The following CNST variants were observed in gnomAD, a reference collection of about 807,000 sequenced individuals.
CNST encodes the protein consortin.
In CNST, 39 loss-of-function variants were observed where a neutral mutation model predicts 72.4. The ratio of observed to expected loss-of-function variants is 0.54; its 90% CI spans 0.42 to 0.70. The LOEUF (loss-of-function observed/expected upper bound fraction) is 0.70. Ranked by LOEUF, CNST falls within the 30% of genes least tolerant of loss-of-function variation. CNST has a pLI of 0.00. For synonymous variants in CNST, 332 were observed against 320.1 expected, an observed-to-expected ratio of 1.04 and a Z score of -0.40; for missense variants, 871 against 868.5, an observed-to-expected ratio of 1.00 and a Z score of -0.04.
At chr1:246,586,652 C>T (rs972986010) in intron 1 of CNST, among the ~76,000 whole-genome samples, 2 of 151,930 alleles carry the variant, frequency 1.3e-5, no homozygotes, top group African/African-American at 2.4e-5. Flanking sequence ...AGAGATCTTA[C>T]GATAATTTCT....
chr1:246,613,262 G>A (rs1196076982), intron 2 of CNST, among the ~76,000 whole-genome samples: 10 of 152,142 alleles, frequency 6.6e-5, no homozygotes, highest in Admixed American at 6.5e-4. Context: ...TTAAAAGTGT[G>A]CTTAAAGCAA....
intron 3 of CNST, among the ~76,000 whole-genome samples, chr1:246,629,684 CTG>C (rs1436244790): frequency 2.6e-5 from 4 of 152,202 alleles, no homozygotes; most frequent in African/African-American, 7.2e-5. Flanking sequence ...AGAAAGGAAA[CTG>C]TGCAATACCA....
Position 246,634,584 on chromosome 1 carries a change from A to G in CNST, c.815A>G (p.Gln272Arg). The G allele has an allele frequency of 6.5e-7, 1 of 1,540,808 alleles. No individual in the cohort carries two copies. Among genetic ancestry groups the G allele is most frequent in the South Asian group, 1.2e-5 (1 of 85,452 alleles). Residue 272 changes from glutamine to arginine, a missense_variant, in exon 6 of 11, where the codon CAA (glutamine) becomes CGA (arginine). By Grantham distance (43) the Gln-to-Arg change is conservative (BLOSUM62 1). Transcript: ENST00000366513. ...CTTACGAAAATTTGTGCAACACATCAAGAGTAAGTATATCAGAATTTCGTT... is the reference window on the plus strand; with the variant it reads ...CTTACGAAAATTTGTGCAACACATCGAGAGTAAGTATATCAGAATTTCGTT... ...ERLTKICATHQDPLLSKHKIA... is the reference protein window; with the variant it reads ...ERLTKICATHRDPLLSKHKIA...
intron 1 of CNST, among the ~76,000 whole-genome samples, chr1:246,572,783 G>A (rs1172472211): frequency 6.6e-6 from 1 of 152,150 alleles, no homozygotes; most frequent in Non-Finnish European, 1.5e-5. Context: ...GGGTGGTCTT[G>A]AACTCCTGAG....
intron 2 of CNST, among the ~76,000 whole-genome samples, chr1:246,614,135 G>C (rs769913025): frequency 6.6e-6 from 1 of 151,452 alleles, no homozygotes; most frequent in East Asian, 1.9e-4. Flanking sequence ...GTTTTTTTTT[G>C]ATTATGGAAT....
intron 9 of CNST, among the ~76,000 whole-genome samples, chr1:246,657,669 G>A (rs1666843865): frequency 6.6e-6 from 1 of 152,146 alleles, no homozygotes; most frequent in African/African-American, 2.4e-5. Context: ...GTATCCCTTA[G>A]TGTTGACTTC....
At chr1:246,642,924 C>T (rs373915791) in intron 8 of CNST, among the ~76,000 whole-genome samples, 68 of 139,622 alleles carry the variant, frequency 4.9e-4, no homozygotes, top group African/African-American at 1.4e-3. Context: ...CAGGGTCTCA[C>T]GCTGTTGCCC....
intron 8 of CNST, among the ~76,000 whole-genome samples, chr1:246,645,451 GGA>G (rs1275567725): frequency 9.3e-6 from 1 of 107,522 alleles, no homozygotes; most frequent in Non-Finnish European, 1.7e-5. Context: ...TTTTTGAGAT[GGA>G]GTCTCGCTCT....
chr1:246,612,791 G>A (rs1663417629), intron 2 of CNST, among the ~76,000 whole-genome samples: 1 of 152,006 alleles, frequency 6.6e-6, no homozygotes, highest in Admixed American at 6.6e-5. Flanking sequence ...AGGCTGCAGT[G>A]GGAGGATCAC....
chr1:246,638,836 G>A (rs1326520140), intron 6 of CNST, among the ~76,000 whole-genome samples: 1 of 152,190 alleles, frequency 6.6e-6, no homozygotes, highest in Non-Finnish European at 1.5e-5. Flanking sequence ...TTGGGAGGTA[G>A]TGGCTTCAGG....
chr1:246,639,122 A>G (rs1262234721), intron 6 of CNST, among the ~76,000 whole-genome samples: 1 of 151,972 alleles, frequency 6.6e-6, no homozygotes, highest in African/African-American at 2.4e-5. Flanking sequence ...TTAGAGAGGT[A>G]GGCAACAATC....
chr1:246,663,376 A>G (rs539802105), intron 10 of CNST, among the ~76,000 whole-genome samples: 7 of 152,204 alleles, frequency 4.6e-5, no homozygotes, highest in Admixed American at 3.9e-4. Flanking sequence ...GAACTGTCCA[A>G]AAAAATACAG....
intron 1 of CNST, among the ~76,000 whole-genome samples, chr1:246,585,685 AC>A (rs1430556717): frequency 7.1e-6 from 1 of 140,590 alleles, no homozygotes; most frequent in African/African-American, 2.7e-5. Flanking sequence ...ACACACACAC[AC>A]ACACACACAC....
At chr1:246,570,629 G>C (rs910677542) in intron 1 of CNST, among the ~76,000 whole-genome samples, 1 of 152,114 alleles carries the variant, frequency 6.6e-6, no homozygotes, top group African/African-American at 2.4e-5. Flanking sequence ...TTGGGGAAGG[G>C]GTATAGTTAC....
intron 10 of CNST, among the ~76,000 whole-genome samples, chr1:246,662,317 C>G (rs1221691996): frequency 6.6e-6 from 1 of 152,160 alleles, no homozygotes; most frequent in Non-Finnish European, 1.5e-5. Flanking sequence ...ATGTGAGGCA[C>G]ATGTATGATT....
chr1:246,664,353 A>G (rs761055833), intron 10 of CNST, among the ~76,000 whole-genome samples: 2 of 152,038 alleles, frequency 1.3e-5, no homozygotes, highest in South Asian at 4.2e-4. Flanking sequence ...TTGAAACTAT[A>G]TGTCCCAGGT....
intron 8 of CNST, among the ~76,000 whole-genome samples, chr1:246,643,075 G>C (rs1408113383): frequency 6.6e-6 from 1 of 150,992 alleles, no homozygotes; most frequent in Non-Finnish European, 1.5e-5. Flanking sequence ...AATTTTTGTG[G>C]GTATGGAGGT....
chr1:246,621,784 C>T (rs1664110472), intron 3 of CNST, 150 bp downstream of exon 3: 1 of 699,460 alleles, frequency 1.4e-6, no homozygotes, highest in South Asian at 1.7e-5. Context: ...GGCTTGAGCT[C>T]AGGAGTTCAA....
intron 2 of CNST, among the ~76,000 whole-genome samples, chr1:246,616,159 T>C (rs1316153948): frequency 1.3e-5 from 2 of 152,212 alleles, no homozygotes; most frequent in African/African-American, 4.8e-5. Flanking sequence ...TCATTTATAT[T>C]GAGTGAGATT....
Sources: gnomAD v4.1 joint callset for allele counts (sites outside exome capture counted in the v4.1 genomes callset) on GRCh38, gnomAD v4.1.1 for gene constraint, MANE v1.5 for transcripts, NCBI Gene and HGNC (gene_info 2026-07-23, HGNC 2026-07-21) for gene names.